The following ZMPSTE24 variants were observed in gnomAD, a reference collection of about 807,000 sequenced individuals.
ZMPSTE24 encodes the protein zinc metallopeptidase STE24.
A neutral mutation model predicts 56.7 loss-of-function variants in ZMPSTE24; 48 were observed. The ratio of observed to expected loss-of-function variants is 0.85; its 90% confidence interval spans 0.67 to 1.08. ZMPSTE24 has a LOEUF of 1.08. Ranked by LOEUF, ZMPSTE24 falls within the 50% of genes least tolerant of loss-of-function variation. The pLI is 0.00. For synonymous variants in ZMPSTE24, 172 were observed against 195.2 expected (o/e 0.88, Z 0.99); for missense variants, 503 against 548.7 (o/e 0.92, Z 0.83).
chr1:40,271,604 A>G (rs187047812), intron 5 of ZMPSTE24, among the ~76,000 whole-genome samples: 6 of 152,360 alleles, frequency 3.9e-5, no homozygotes, highest in Admixed American at 2.6e-4. Flanking sequence ...TGAAAGGACT[A>G]TACTTATTAC....
intron 2 of ZMPSTE24, 114 bp from the exon 3 acceptor site, chr1:40,267,670 CTT>C: frequency 2.4e-6 from 2 of 847,882 alleles, no homozygotes; most frequent in Non-Finnish European, 3.9e-6. Flanking sequence ...GTACTGGCCT[CTT>C]TTGTTTTTTT....
At chr1:40,259,015 G>A (rs910112334) in intron 1 of ZMPSTE24, among the ~76,000 whole-genome samples, 4 of 152,068 alleles carry the variant, frequency 2.6e-5, no homozygotes, top group Admixed American at 2.6e-4. Context: ...AAAATTAGCC[G>A]GGTGTGGTGG....
At chr1:40,280,296 T>C (rs1207248561) in intron 6 of ZMPSTE24, among the ~76,000 whole-genome samples, 1 of 152,180 alleles carries the variant, frequency 6.6e-6, no homozygotes, top group Non-Finnish European at 1.5e-5. Flanking sequence ...GCAAACTTCT[T>C]GAACCACCAC....
At chr1:40,272,699 G>C (rs1160441920) in intron 6 of ZMPSTE24, among the ~76,000 whole-genome samples, 3 of 152,288 alleles carry the variant, frequency 2.0e-5, no homozygotes, top group Non-Finnish European at 2.9e-5. Flanking sequence ...AAGTCTCAAA[G>C]AAGACTACGG....
At chr1:40,263,723 GC>G (rs1643520785) in intron 2 of ZMPSTE24, among the ~76,000 whole-genome samples, 1 of 147,630 alleles carries the variant, frequency 6.8e-6, no homozygotes, top group Non-Finnish European at 1.5e-5. Flanking sequence ...GAGAAGATTA[GC>G]TTCGACTTTT....
At chr1:40,263,001 T>C in intron 2 of ZMPSTE24, 1 of 992,640 alleles carries the variant, frequency 1.0e-6, no homozygotes, top group South Asian at 4.6e-5. Flanking sequence ...CTATTCTCTT[T>C]CTGATGTTTG....
At chr1:40,284,927 CTT>C (rs201590300) in intron 7 of ZMPSTE24, among the ~76,000 whole-genome samples, 8 of 126,960 alleles carry the variant, frequency 6.3e-5, no homozygotes, top group Non-Finnish European at 1.3e-4. Flanking sequence ...AACATCATCC[CTT>C]TTTTTTTTTT....
chr1:40,291,002 T>C lies in ZMPSTE24; in HGVS notation c.1203+5T>C, dbSNP rs747984975. On this transcript the variant is annotated splice_donor_5th_base_variant and intron_variant, in intron 9 of 9. Coordinates refer to ENST00000372759, the MANE Select transcript of ZMPSTE24 (RefSeq NM_005857.5). ...ATTTTTTCACCTTACAATGAGGTAA[T>C]GTATGATCTTTAAAATTATCACACA... The C allele has an allele frequency of 4.3e-6, 7 of 1,613,666 alleles. No individual in the cohort carries two copies. The highest frequency in any genetic ancestry group is 2.7e-5 in the African/African-American group (2 of 74,932).
intron 8 of ZMPSTE24, among the ~76,000 whole-genome samples, chr1:40,288,944 C>T (rs1304420023): frequency 2.0e-5 from 3 of 152,058 alleles, no homozygotes; most frequent in Non-Finnish European, 2.9e-5. Flanking sequence ...TTCACCTCAC[C>T]GAGAGTAATT....
chr1:40,283,951 T>TTG (rs1643757168), intron 7 of ZMPSTE24, among the ~76,000 whole-genome samples: 1 of 150,238 alleles, frequency 6.7e-6, no homozygotes, highest in Non-Finnish European at 1.5e-5. Context: ...TTTTTTTTTT[T>TTG]TTTTTGAGAT....
At chr1:40,273,805 C>T (rs1643642434) in intron 6 of ZMPSTE24, among the ~76,000 whole-genome samples, 1 of 151,196 alleles carries the variant, frequency 6.6e-6, no homozygotes. Flanking sequence ...GTTGCTGATC[C>T]CTTAAGTTAC....
Position 40,258,346 on chromosome 1 carries a change from C to G in ZMPSTE24, c.75C>G (p.Leu25=). The G allele has an allele frequency of 1.9e-6, 3 of 1,614,194 alleles. No individual in the cohort carries two copies. Among genetic ancestry groups the G allele is most frequent in the Non-Finnish European group, 2.5e-6 (3 of 1,180,032 alleles). The change falls in exon 1 of 10, where the codon CTC becomes CTG. Residue 25 remains leucine (L), a synonymous_variant. Transcript: ENST00000372759. ...AEKRIFGAVL[L]FSWTVYLWET... The stretch of plus-strand genomic sequence containing the variant: ...AGCGTATCTTCGGGGCCGTGCTGCT[C>G]TTTTCCTGGACAGTGTATCTTTGGG...
At chr1:40,286,444 A>G (rs1166441089) in intron 8 of ZMPSTE24, among the ~76,000 whole-genome samples, 1 of 152,168 alleles carries the variant, frequency 6.6e-6, no homozygotes, top group African/African-American at 2.4e-5. Context: ...TTTTTGAGAC[A>G]GAGTCTCGCT....
chr1:40,290,873 T>G lies in ZMPSTE24; in HGVS notation c.1079T>G (p.Phe360Cys). 1.2e-6 allele frequency: 2 copies of G among 1,614,026 alleles called. No individual in the cohort carries two copies. The highest frequency in any genetic ancestry group is 2.2e-5 in the South Asian group (2 of 91,036). ...TTCTAGATGAATTCTTTCCTGTGTT[T>G]TTTTTTATTTGCTGTATTAATTGGT... ...IISQMNSFLC[F>C]FLFAVLIGRK... The change falls in exon 9 of 10, where the codon TTT becomes TGT. Residue 360 changes from phenylalanine to cysteine, a missense_variant. By Grantham distance (205) the Phe-to-Cys change is radical. Transcript: ENST00000372759.
chr1:40,284,328 A>G (rs991774790), intron 7 of ZMPSTE24, among the ~76,000 whole-genome samples: 15 of 151,900 alleles, frequency 9.9e-5, no homozygotes, highest in Admixed American at 3.3e-4. Context: ...CTTAGGTGCA[A>G]TGTCTTAATT....
rs550665021 is a variant in ZMPSTE24, at chr1:40,285,214, C to T, written c.955-711C>T. On this transcript the variant is annotated intron_variant, in intron 7 of 9. Transcript: ENST00000372759. ...TCTCAGCTCACTGCAGCCTCTGATT[C>T]TCCTGCCTCAGCCTCCAGAGCAGCT... 1.5e-3 allele frequency among the ~76,000 whole-genome samples: 223 copies of T among 152,114 alleles called. 2 individuals are homozygous for T. The highest frequency in any genetic ancestry group is 6.8e-3 in the Middle Eastern group (2 of 294).
chr1:40,281,299 A>C, intron 6 of ZMPSTE24, 44 bp from the exon 7 acceptor site: 1 of 1,606,394 alleles, frequency 6.2e-7, no homozygotes, highest in East Asian at 2.2e-5. Flanking sequence ...AAGGACCCCA[A>C]ACTTTTTAAT....
rs368270348 is a variant in ZMPSTE24, at chr1:40,293,683, T to C, written c.*1014T>C. The C allele has an allele frequency of 7.9e-5, 12 of 152,342 alleles. 1 individual carries two copies. The highest frequency in any genetic ancestry group is 3.9e-4 in the East Asian group (2 of 5,190). The allele number at this position is 152,342 out of a possible 1,614,324, so 9.4% of individuals were successfully genotyped here. On this transcript the variant is annotated 3_prime_UTR_variant, in exon 10 of 10. Coordinates refer to ENST00000372759, the MANE Select transcript of ZMPSTE24 (RefSeq NM_005857.5). Reference sequence around the variant, plus strand: ...TAATTTTATCTGTAAGTCATAAATATTACTTAATCAGGCCTGATTCTACTT... The same window carrying C: ...TAATTTTATCTGTAAGTCATAAATACTACTTAATCAGGCCTGATTCTACTT...
intron 4 of ZMPSTE24, 21 bp from the exon 5 acceptor site, chr1:40,269,951 TGTG>T (rs1414383654): frequency 5.0e-6 from 8 of 1,592,376 alleles, no homozygotes; most frequent in East Asian, 2.2e-5. Flanking sequence ...CTCAGTTTCT[TGTG>T]GTAATGTTTT....
Sources: gnomAD v4.1 joint callset for allele counts (sites outside exome capture counted in the v4.1 genomes callset) on GRCh38, gnomAD v4.1.1 for gene constraint, MANE v1.5 for transcripts, NCBI Gene and HGNC (gene_info 2026-07-23, HGNC 2026-07-21) for gene names.